Variants in KIF1B observed in about 807,000 individuals in gnomAD.
The protein encoded by KIF1B is kinesin-like protein KIF1B.
A neutral mutation model predicts 241.9 loss-of-function variants in KIF1B; 76 were observed. The observed-to-expected ratio is 0.31, with a 90% CI of 0.26 to 0.38. The LOEUF (loss-of-function observed/expected upper bound fraction) is 0.38. Among genes scored for constraint, KIF1B ranks in the 10% least tolerant of loss-of-function variants. The pLI is 1.00. For missense variants in KIF1B, 1,622 were observed against 2,271.4 expected (o/e 0.71, Z 5.81); for synonymous variants, 750 against 796.7 (o/e 0.94, Z 0.99).
intron 1 of KIF1B, among the ~76,000 whole-genome samples, chr1:10,219,408 C>T (rs535940964): frequency 6.7e-6 from 1 of 148,946 alleles, no homozygotes; most frequent in Non-Finnish European, 1.5e-5. Flanking sequence ...TGCAGTGAGC[C>T]GAGATCATGC....
rs1638891392 is a variant in KIF1B at position 10,376,465 on chromosome 1, A to AT, written c.5409-80_5409-79insT. The AT allele has an allele frequency of 4.4e-6, 6 of 1,376,596 alleles. 1 individual carries two copies. Among genetic ancestry groups the AT allele is most frequent in the Non-Finnish European group, 6.2e-6 (6 of 964,770 alleles). 85.3% of individuals were successfully genotyped at this position (1,376,596 alleles called of 1,614,324 possible). Reference sequence around the variant, plus strand: ...CAAATAGGAAGATGCTCCAGGAGGGAGCCTCAGAGGGAGAGGACTGTGAGG... The same window carrying AT: ...CAAATAGGAAGATGCTCCAGGAGGGATGCCTCAGAGGGAGAGGACTGTGAGG... On this transcript the variant is annotated intron_variant, in intron 48 of 48. Coordinates refer to ENST00000676179, the MANE Select transcript of KIF1B (RefSeq NM_001365951.3).
intron 22 of KIF1B, chr1:10,307,810 T>C (rs1385363092): frequency 9.6e-7 from 1 of 1,040,338 alleles, no homozygotes; most frequent in Non-Finnish European, 1.2e-6. Context: ...AATTAATTGG[T>C]ATAATTTCAC....
chr1:10,318,610 T>C (rs1234580609), intron 22 of KIF1B, among the ~76,000 whole-genome samples: 13 of 152,064 alleles, frequency 8.5e-5, no homozygotes, highest in Admixed American at 8.5e-4. Flanking sequence ...TCCCAGCTAC[T>C]GAGGAAGCTG....
intron 15 of KIF1B, among the ~76,000 whole-genome samples, chr1:10,290,279 A>C (rs2102246076): frequency 6.6e-6 from 1 of 152,172 alleles, no homozygotes; most frequent in South Asian, 2.1e-4. Flanking sequence ...TGGGTTTTAA[A>C]CCCTGTATGC....
At chr1:10,299,888 T>C (rs1650452439) in intron 22 of KIF1B, among the ~76,000 whole-genome samples, 1 of 152,188 alleles carries the variant, frequency 6.6e-6, no homozygotes, top group African/African-American at 2.4e-5. Context: ...TTGTGACATG[T>C]GAATTGACCA....
intron 1 of KIF1B, among the ~76,000 whole-genome samples, chr1:10,231,586 C>T (rs919908951): frequency 6.6e-6 from 1 of 151,364 alleles, no homozygotes; most frequent in Non-Finnish European, 1.5e-5. Flanking sequence ...GGGGTTTTAC[C>T]ATGTTGGCCA....
At chr1:10,221,339 C>T (rs1646842776) in intron 1 of KIF1B, among the ~76,000 whole-genome samples, 1 of 152,128 alleles carries the variant, frequency 6.6e-6, no homozygotes. Context: ...CTCAAATGAT[C>T]TGTCCGCTTC....
chr1:10,332,044 T>G (rs1283553392), intron 27 of KIF1B, among the ~76,000 whole-genome samples: 1 of 151,772 alleles, frequency 6.6e-6, no homozygotes, highest in Non-Finnish European at 1.5e-5. Flanking sequence ...AACTGTCATC[T>G]TCTCCCTTAA....
chr1:10,336,982 A>G, intron 29 of KIF1B, 92 bp from the exon 30 acceptor site: 4 of 1,539,644 alleles, frequency 2.6e-6, no homozygotes, highest in Non-Finnish European at 3.6e-6. Context: ...AGTCACTATT[A>G]TTTGTTGGAC....
intron 2 of KIF1B, among the ~76,000 whole-genome samples, chr1:10,239,816 A>G (rs1026874468): frequency 6.6e-6 from 1 of 151,438 alleles, no homozygotes; most frequent in African/African-American, 2.4e-5. Flanking sequence ...CCCAGGCTGG[A>G]GTGCAGTGGC....
intron 33 of KIF1B, 81 bp downstream of exon 33, chr1:10,342,249 T>C: frequency 1.1e-6 from 1 of 905,488 alleles, no homozygotes. Context: ...AAGAAATCTT[T>C]TGAGGGATTA....
At chr1:10,300,743 G>A (rs2102265757) in intron 22 of KIF1B, among the ~76,000 whole-genome samples, 1 of 152,248 alleles carries the variant, frequency 6.6e-6, no homozygotes, top group South Asian at 2.1e-4. Flanking sequence ...CTCTTCAGGA[G>A]TCAGACATAG....
intron 1 of KIF1B, among the ~76,000 whole-genome samples, chr1:10,215,982 A>G (rs1646762823): frequency 1.3e-5 from 2 of 152,194 alleles, no homozygotes; most frequent in South Asian, 4.1e-4. Flanking sequence ...AAAATAGCTT[A>G]TTCATATTGA....
chr1:10,306,757 TAAAAAAAAAAAAAAAA>T, intron 22 of KIF1B: 1 of 566,514 alleles, frequency 1.8e-6, no homozygotes, highest in Non-Finnish European at 2.0e-6. Context: ...AACCTGTCTT[TAAAAAAAAAAAAAAAA>T]AAAAAAAAAA....
At chr1:10,250,341 CTT>C (rs36075139) in intron 2 of KIF1B, among the ~76,000 whole-genome samples, 4 of 142,970 alleles carry the variant, frequency 2.8e-5, no homozygotes, top group Non-Finnish European at 4.6e-5. Flanking sequence ...TATTTCTTAA[CTT>C]TTTTTTTTTT....
chr1:10,254,557 C>T (rs997492898), intron 2 of KIF1B, among the ~76,000 whole-genome samples: 2 of 152,060 alleles, frequency 1.3e-5, no homozygotes, highest in African/African-American at 4.8e-5. Flanking sequence ...AAATGCTTTT[C>T]TGAAGTACAT....
At chr1:10,292,362 C>T (rs1007523595) in intron 17 of KIF1B, 1 of 470,406 alleles carries the variant, frequency 2.1e-6, no homozygotes, top group South Asian at 2.5e-5. Flanking sequence ...AATATGTAAC[C>T]TTTGGCCATG....
chr1:10,324,163 G>A, intron 25 of KIF1B, 101 bp downstream of exon 25: 3 of 1,155,758 alleles, frequency 2.6e-6, no homozygotes, highest in Non-Finnish European at 3.9e-6. Flanking sequence ...GGACACTGTT[G>A]CTTACTTCCC....
intron 17 of KIF1B, 95 bp from the exon 18 acceptor site, chr1:10,294,991 G>A: frequency 1.2e-6 from 1 of 821,860 alleles, no homozygotes; most frequent in South Asian, 1.3e-5. Context: ...GCTCTGTGGA[G>A]AGTTGGAGAA....
Sources: allele counts gnomAD v4.1 joint callset (sites outside exome capture counted in the v4.1 genomes callset), GRCh38; gene constraint gnomAD v4.1.1; transcripts MANE v1.5; gene names NCBI Gene and HGNC (gene_info 2026-07-23, HGNC 2026-07-21).